The following PARP6 variants were observed in gnomAD, a reference collection of about 807,000 sequenced individuals.
PARP6 encodes protein mono-ADP-ribosyltransferase PARP6.
PARP6 carries 27 observed loss-of-function variants against 92.0 expected under a neutral mutation model. The observed-to-expected ratio is 0.29, with a 90% CI of 0.22 to 0.40. The LOEUF (loss-of-function observed/expected upper bound fraction) is 0.40, where lower values mean the gene tolerates loss of function less well. Among genes scored for constraint, PARP6 ranks in the 10% least tolerant of loss-of-function variants. The pLI, the probability that PARP6 is intolerant of heterozygous loss-of-function variation, is 1.00. For missense variants in PARP6, 501 were observed against 784.5 expected, an observed-to-expected ratio of 0.64 and a Z score of 4.32; for synonymous variants, 272 against 281.2, an observed-to-expected ratio of 0.97 and a Z score of 0.33.
Position 72,267,660 on chromosome 15 carries a change from C to T in PARP6, c.-183G>A. 1 of 635,966 alleles carries T rather than the reference C, an allele frequency of 1.6e-6. No homozygotes were observed. Among genetic ancestry groups the T allele is most frequent in the Non-Finnish European group, 2.9e-6 (1 of 349,846 alleles). The allele number at this position is 635,966 out of a possible 1,614,324, so 39.4% of individuals were successfully genotyped here. On this transcript the variant is annotated 5_prime_UTR_variant, in exon 3 of 24. Coordinates refer to ENST00000569795, the MANE Select transcript of PARP6 (RefSeq NM_001323532.2). ...GCAGGCTCTGCTGTTGCGGTGGTAA[C>T]AAGTCACTGTCCTGTGGAAAGTAGA... is the stretch of plus-strand genomic sequence containing the variant.
At chr15:72,247,693 T>C (rs1455033186) in intron 20 of PARP6, among the ~76,000 whole-genome samples, 1 of 152,250 alleles carries the variant, frequency 6.6e-6, no homozygotes, top group Admixed American at 6.5e-5. Flanking sequence ...ATACAGGCTA[T>C]TTCTTGTCAG....
intron 15 of PARP6, chr15:72,253,800 C>A: frequency 1.9e-6 from 1 of 540,298 alleles, no homozygotes; most frequent in South Asian, 1.5e-5. Context: ...TAAATAAAAT[C>A]AATGTCCCAA....
rs535687279 is a variant in PARP6, at chr15:72,242,346, C to T, written c.1642-126G>A. On this transcript the variant is annotated intron_variant, in intron 21 of 23. Coordinates refer to ENST00000569795, the MANE Select transcript of PARP6 (RefSeq NM_001323532.2). This position sits in a 1 kb window ranked among gnomAD's most constrained non-coding sequence, Gnocchi z 4.3. ...ATCCTGGGCTCCCAGCAACACCCCTCGCCGCCCAGAAAATTCTTCTTTCCC... is the reference window on the plus strand; with the variant it reads ...ATCCTGGGCTCCCAGCAACACCCCTTGCCGCCCAGAAAATTCTTCTTTCCC... The T allele has an allele frequency of 1.5e-4, 106 of 730,050 alleles. No individual in the cohort carries two copies. The highest frequency in any genetic ancestry group is 2.3e-4 in the Non-Finnish European group (98 of 426,386). The allele number at this position is 730,050 out of a possible 1,614,324, so 45.2% of individuals were successfully genotyped here.
At chr15:72,265,870 C>T (rs1444443131) in intron 5 of PARP6, 27 bp downstream of exon 5, 1 of 1,493,600 alleles carries the variant, frequency 6.7e-7, no homozygotes, top group Non-Finnish European at 9.3e-7. Context: ...GACTTGCTCC[C>T]CTGCCACCCC....
chr15:72,271,918 T>C (rs1338478540), intron 1 of PARP6, among the ~76,000 whole-genome samples: 3 of 152,202 alleles, frequency 2.0e-5, no homozygotes, highest in Non-Finnish European at 4.4e-5. Context: ...CCTAGGTCCA[T>C]GGGCGCTTCT....
At chr15:72,244,850 C>T (rs577376704) in intron 20 of PARP6, 9 of 152,688 alleles carry the variant, frequency 5.9e-5, no homozygotes, top group African/African-American at 1.4e-4. Context: ...AAGACATACC[C>T]AAGACTTGGT....
chr15:72,249,333 G>A lies in PARP6; in HGVS notation c.1492-19C>T. The A allele has an allele frequency of 1.3e-6, 2 of 1,522,930 alleles. No homozygotes were observed. Among genetic ancestry groups the A allele is most frequent in the Non-Finnish European group, 9.1e-7 (1 of 1,103,712 alleles). The allele number at this position is 1,522,930 out of a possible 1,614,324, so 94.3% of individuals were successfully genotyped here. On this transcript the variant is annotated intron_variant, in intron 19 of 23. Coordinates refer to ENST00000569795, the MANE Select transcript of PARP6 (RefSeq NM_001323532.2). The stretch of plus-strand genomic sequence containing the variant: ...CATGCAGCTTGCAGGGAAACACCAG[G>A]ATGAGTAATATGAGCCTGGGCCCTC...
chr15:72,267,532 A>G lies in PARP6; in HGVS notation c.-55T>C. The G allele has an allele frequency of 6.2e-7, 1 of 1,609,260 alleles. No homozygotes were observed. The highest frequency in any genetic ancestry group is 8.5e-7 in the Non-Finnish European group (1 of 1,175,790). On this transcript the variant is annotated 5_prime_UTR_variant, in exon 3 of 24. Transcript: ENST00000569795. ...TCAGTGCTAGGCAGCACCCCTCCAT[A>G]CCACTAGCCGAACCAAGGCCAACGA... is the stretch of plus-strand genomic sequence containing the variant.
intron 10 of PARP6, among the ~76,000 whole-genome samples, chr15:72,259,919 AT>A (rs1271488502): frequency 6.6e-6 from 1 of 152,232 alleles, no homozygotes; most frequent in East Asian, 1.9e-4. Context: ...TCACAAACTA[AT>A]AAAATCATAC....
At chr15:72,267,254 C>T (rs879333128) in intron 3 of PARP6, 2 of 599,926 alleles carry the variant, frequency 3.3e-6, no homozygotes, top group Non-Finnish European at 3.0e-6. Context: ...TTCTTTCTAT[C>T]CTTTAAAGTA....
At chr15:72,255,472 T>A (rs1033041907) in intron 14 of PARP6, among the ~76,000 whole-genome samples, 32 of 147,666 alleles carry the variant, frequency 2.2e-4, no homozygotes, top group Admixed American at 1.8e-3. Flanking sequence ...CAGGCTGGTC[T>A]TTAACTCCTC....
chr15:72,255,659 T>A (rs1202890944), intron 14 of PARP6, among the ~76,000 whole-genome samples: 1 of 152,064 alleles, frequency 6.6e-6, no homozygotes, highest in Non-Finnish European at 1.5e-5. Flanking sequence ...CTTCTCAGCC[T>A]CCATAATCAT....
At chr15:72,264,471 A>C in intron 8 of PARP6, 84 bp downstream of exon 8, 1 of 1,025,002 alleles carries the variant, frequency 9.8e-7, no homozygotes, top group Non-Finnish European at 1.5e-6. Context: ...CATTCCATCC[A>C]AGGCTCTGCC....
intron 4 of PARP6, 79 bp downstream of exon 4, chr15:72,266,664 CCT>C (rs1213994756): frequency 3.0e-6 from 3 of 997,628 alleles, no homozygotes; most frequent in East Asian, 4.8e-5. Flanking sequence ...TGCTCCAGAA[CCT>C]CTTTCACTCC....
Position 72,266,675 on chromosome 15 carries a change from C to G in PARP6, c.81+70G>C, listed in dbSNP as rs561413686. The G allele has an allele frequency of 8.0e-5, 89 of 1,110,232 alleles. 1 individual carries two copies. In the South Asian group the frequency reaches 1.1e-3, roughly 14 times the overall value. The allele number at this position is 1,110,232 out of a possible 1,614,324, so 68.8% of individuals were successfully genotyped here. The stretch of plus-strand genomic sequence containing the variant: ...TCTGTGCTCCAGAACCTCTTTCACT[C>G]CTGATGTATCCAAAAAGCAGCACAT... On this transcript the variant is annotated intron_variant, in intron 4 of 23. Transcript: ENST00000569795.
At chr15:72,261,858 C>A in intron 8 of PARP6, 151 bp from the exon 9 acceptor site, 1 of 735,046 alleles carries the variant, frequency 1.4e-6, no homozygotes. Context: ...TTTAAATGAC[C>A]TTAGTAAATA....
Position 72,242,343 on chromosome 15 carries a change from C to A in PARP6, c.1642-123G>T, listed in dbSNP as rs1427794370. 4.1e-6 allele frequency: 3 copies of A among 740,056 alleles called. No individual in the cohort carries two copies. Among genetic ancestry groups the A allele is most frequent in the African/African-American group, 3.5e-5 (2 of 56,664 alleles). The allele number at this position is 740,056 out of a possible 1,614,324, so 45.8% of individuals were successfully genotyped here. On this transcript the variant is annotated intron_variant, in intron 21 of 23. Transcript: ENST00000569795. This position sits in a 1 kb window ranked among gnomAD's most constrained non-coding sequence, Gnocchi z 4.3. Reference sequence around the variant, plus strand: ...GATATCCTGGGCTCCCAGCAACACCCCTCGCCGCCCAGAAAATTCTTCTTT... The same window carrying A: ...GATATCCTGGGCTCCCAGCAACACCACTCGCCGCCCAGAAAATTCTTCTTT...
intron 16 of PARP6, among the ~76,000 whole-genome samples, chr15:72,253,037 G>C (rs2084584083): frequency 6.6e-6 from 1 of 151,764 alleles, no homozygotes; most frequent in South Asian, 2.1e-4. Context: ...AAATTAGCTG[G>C]GTGTGGTGGC....
intron 11 of PARP6, among the ~76,000 whole-genome samples, chr15:72,258,999 A>T (rs1310587598): frequency 6.6e-6 from 1 of 152,242 alleles, no homozygotes; most frequent in Non-Finnish European, 1.5e-5. Flanking sequence ...TAACAATTCA[A>T]GGCAGCCCAT....
Sources: allele counts gnomAD v4.1 joint callset (sites outside exome capture counted in the v4.1 genomes callset), GRCh38; gene constraint gnomAD v4.1.1; non-coding constraint Gnocchi (gnomAD v3.1); transcripts MANE v1.5; gene names NCBI Gene and HGNC (gene_info 2026-07-23, HGNC 2026-07-21).